The following YES1 variants were observed in gnomAD, a reference collection of about 807,000 sequenced individuals.
YES1 encodes the protein tyrosine-protein kinase Yes.
YES1 carries 39 observed loss-of-function variants against 70.4 expected under a neutral mutation model. That is an observed-to-expected ratio of 0.55 (90% CI 0.43 to 0.72). The LOEUF (loss-of-function observed/expected upper bound fraction) is 0.72. YES1 is among the 30% of genes least tolerant of loss of function. The pLI, the probability that YES1 is intolerant of heterozygous loss-of-function variation, is 0.00. For synonymous variants in YES1, 198 were observed against 218.6 expected (o/e 0.91, Z 0.83); for missense variants, 495 against 644.8 (o/e 0.77, Z 2.52).
At chr18:734,647 C>T (rs1207523778) in intron 10 of YES1, among the ~76,000 whole-genome samples, 3 of 151,370 alleles carry the variant, frequency 2.0e-5, no homozygotes, top group African/African-American at 7.3e-5. Flanking sequence ...TACAGTGAGA[C>T]ACTACCTTAC....
At chr18:797,433 CTTT>C (rs1248564089) in intron 1 of YES1, among the ~76,000 whole-genome samples, 1 of 151,808 alleles carries the variant, frequency 6.6e-6, no homozygotes, top group Admixed American at 6.6e-5. Flanking sequence ...CATTAGAACA[CTTT>C]ATTATGGAAA....
intron 10 of YES1, among the ~76,000 whole-genome samples, chr18:734,045 G>A (rs1297001183): frequency 6.6e-6 from 1 of 152,160 alleles, no homozygotes; most frequent in South Asian, 2.1e-4. Context: ...TTGAGAGGCC[G>A]AGGTGGGCAG....
chr18:779,844 CTTT>C (rs1905565685), intron 1 of YES1, among the ~76,000 whole-genome samples: 1 of 151,900 alleles, frequency 6.6e-6, no homozygotes, highest in Non-Finnish European at 1.5e-5. Context: ...ACGTACTCTT[CTTT>C]AATTGGGGTT....
intron 3 of YES1, among the ~76,000 whole-genome samples, chr18:750,636 G>T (rs2080331668): frequency 6.6e-6 from 1 of 152,178 alleles, no homozygotes; most frequent in Non-Finnish European, 1.5e-5. Context: ...TTCAAAATGT[G>T]ATGACAGCTA....
At chr18:809,446 C>G (rs572804775) in intron 1 of YES1, among the ~76,000 whole-genome samples, 105 of 152,066 alleles carry the variant, frequency 6.9e-4, no homozygotes, top group Non-Finnish European at 1.2e-3. Context: ...ATTACAGGGG[C>G]GCGCCACCAC....
chr18:751,455 A>G (rs2080342371), intron 3 of YES1, among the ~76,000 whole-genome samples: 2 of 152,212 alleles, frequency 1.3e-5, no homozygotes, highest in African/African-American at 4.8e-5. Context: ...TACTCCCCTC[A>G]GTAACTCTTC....
intron 1 of YES1, among the ~76,000 whole-genome samples, chr18:785,993 C>T (rs1278294137): frequency 6.6e-6 from 1 of 152,158 alleles, no homozygotes; most frequent in African/African-American, 2.4e-5. Context: ...TCTTGCCTTC[C>T]ACCATGAGAT....
rs144160838 is a variant in YES1, at chr18:793,328, C to T, written c.-9+18786G>A. Among the ~76,000 whole-genome samples the T allele has an allele frequency of 4.8e-3, 728 of 151,866 alleles. 6 individuals carry two copies. The highest frequency in any genetic ancestry group is 0.017 in the African/African-American group (699 of 41,418). ...TGCTGGGATTACAGGCGTGAGCCAC[C>T]GCGCCTGGCCATTATAATTATTACC... On this transcript the variant is annotated intron_variant, in intron 1 of 11. Coordinates refer to ENST00000314574, the MANE Select transcript of YES1 (RefSeq NM_005433.4).
intron 1 of YES1, among the ~76,000 whole-genome samples, chr18:809,363 T>C (rs2145847797): frequency 6.6e-6 from 1 of 152,260 alleles, no homozygotes; most frequent in South Asian, 2.1e-4. Context: ...GCACTGGCAC[T>C]ATCTTAGCTC....
At chr18:764,309 G>A (rs1904758229) in intron 1 of YES1, among the ~76,000 whole-genome samples, 1 of 152,234 alleles carries the variant, frequency 6.6e-6, no homozygotes, top group African/African-American at 2.4e-5. Context: ...TACAACCTCT[G>A]CCTCCTGGAT....
At chr18:804,031 GT>G (rs1175739766) in intron 1 of YES1, among the ~76,000 whole-genome samples, 3 of 152,074 alleles carry the variant, frequency 2.0e-5, no homozygotes, top group African/African-American at 7.2e-5. Flanking sequence ...TAGTTTCTTT[GT>G]TTTAGAAAAT....
Position 724,030 on chromosome 18 carries a change from T to G in YES1, c.*394A>C, listed in dbSNP as rs1006334467. 1 of 161,224 alleles carries G rather than the reference T, an allele frequency of 6.2e-6. No homozygotes were observed. The highest frequency in any genetic ancestry group is 1.8e-4 in the South Asian group (1 of 5,538). The allele number at this position is 161,224 out of a possible 1,614,324, so 10.0% of individuals were successfully genotyped here. On this transcript the variant is annotated 3_prime_UTR_variant, in exon 12 of 12. Coordinates refer to ENST00000314574, the MANE Select transcript of YES1 (RefSeq NM_005433.4). ...TGATATTCCTTAATTTTAGATTTTA[T>G]TATGGTATAGCTTTTTATCTCTCAA...
chr18:751,592 G>A, intron 3 of YES1, 113 bp downstream of exon 3: 1 of 693,092 alleles, frequency 1.4e-6, no homozygotes, highest in Non-Finnish European at 2.5e-6. Flanking sequence ...AAACACAGTG[G>A]GCAGCCCATG....
intron 9 of YES1, chr18:737,505 G>A (rs1326799756): frequency 3.9e-5 from 6 of 152,336 alleles, no homozygotes; most frequent in African/African-American, 1.4e-4. Flanking sequence ...CCCTCCTAAT[G>A]TCTTCTTGTG....
chr18:749,581 C>T (rs967736510), intron 3 of YES1, among the ~76,000 whole-genome samples: 11 of 152,082 alleles, frequency 7.2e-5, no homozygotes, highest in Middle Eastern at 3.4e-3. Context: ...GAAGGCTGGG[C>T]GCGGTGGCTC....
chr18:747,243 G>A (rs1026827859), intron 4 of YES1, among the ~76,000 whole-genome samples: 7 of 152,224 alleles, frequency 4.6e-5, no homozygotes, highest in African/African-American at 1.7e-4. Flanking sequence ...GCTGAGGCGG[G>A]TGGATCACTT....
chr18:759,708 T>TC (rs1488839414), intron 1 of YES1, among the ~76,000 whole-genome samples: 23 of 152,118 alleles, frequency 1.5e-4, no homozygotes, highest in Admixed American at 2.6e-4. Flanking sequence ...TATTTATTTC[T>TC]TTTTTTCTTT....
chr18:748,730 T>C (rs958928728), intron 3 of YES1, among the ~76,000 whole-genome samples: 2 of 152,236 alleles, frequency 1.3e-5, no homozygotes, highest in Admixed American at 1.3e-4. Flanking sequence ...TAGTTCATTC[T>C]TTACTGACAA....
chr18:797,791 T>C (rs1906617456), intron 1 of YES1, among the ~76,000 whole-genome samples: 1 of 152,340 alleles, frequency 6.6e-6, no homozygotes, highest in Admixed American at 6.5e-5. Context: ...TCTTCTAAGA[T>C]ATCTACCTGT....
Sources: gnomAD v4.1 joint callset for allele counts (sites outside exome capture counted in the v4.1 genomes callset) on GRCh38, gnomAD v4.1.1 for gene constraint, MANE v1.5 for transcripts, NCBI Gene and HGNC (gene_info 2026-07-23, HGNC 2026-07-21) for gene names.